The following NUAK1 variants were observed in gnomAD, a reference collection of about 807,000 sequenced individuals.
NUAK1 encodes the protein NUAK family kinase 1, also known as NUAK family SNF1-like kinase 1.
A neutral mutation model predicts 56.9 loss-of-function variants in NUAK1; 26 were observed. The ratio of observed to expected loss-of-function variants is 0.46; its 90% CI spans 0.33 to 0.63. The LOEUF is 0.63. NUAK1 is among the 30% of genes least tolerant of loss of function. The probability of loss-of-function intolerance (pLI) is 0.02; values close to 1 mark genes in which losing one functional copy is unlikely to be tolerated. For synonymous variants in NUAK1, 337 were observed against 336.0 expected (o/e 1.00, Z -0.03); for missense variants, 727 against 876.1 (o/e 0.83, Z 2.15).
At chr12:106,112,234 A>G (rs1350543835) in intron 1 of NUAK1, among the ~76,000 whole-genome samples, 8 of 152,106 alleles carry the variant, frequency 5.3e-5, no homozygotes, top group African/African-American at 1.9e-4. Context: ...GCCATTCACA[A>G]GGTGTGATCT....
intron 2 of NUAK1, among the ~76,000 whole-genome samples, chr12:106,094,838 T>C (rs1024002368): frequency 3.0e-4 from 45 of 152,150 alleles, no homozygotes; most frequent in African/African-American, 9.4e-4. Flanking sequence ...CCTGCTAGGA[T>C]TAATAGTGCC....
chr12:106,101,477 G>T (rs2032747365), intron 2 of NUAK1, among the ~76,000 whole-genome samples: 1 of 152,110 alleles, frequency 6.6e-6, no homozygotes, highest in Non-Finnish European at 1.5e-5. Context: ...AATCCAATAT[G>T]ACTGGTGTTC....
intron 6 of NUAK1, 126 bp from the exon 7 acceptor site, chr12:106,068,081 T>C (rs1592846932): frequency 1.2e-6 from 1 of 852,520 alleles, no homozygotes. Context: ...GGAGACCTGG[T>C]CCAGCCACAT....
Position 106,064,548 on chromosome 12 carries a change from T to C in NUAK1, c.*2254A>G, listed in dbSNP as rs2032313435. On this transcript the variant is annotated 3_prime_UTR_variant, in exon 7 of 7. Coordinates refer to ENST00000261402, the MANE Select transcript of NUAK1 (RefSeq NM_014840.3). ...CTGACTTTCCTCAATAGTGTCATTT[T>C]TACTTAAAGACTAGAATGATGGAAA... 5 of 152,204 alleles carry C rather than the reference T, an allele frequency of 3.3e-5. No homozygotes were observed. The allele number at this position is 152,204 out of a possible 1,614,324, so 9.4% of individuals were successfully genotyped here.
At chr12:106,095,142 A>AAC (rs1245508453) in intron 2 of NUAK1, among the ~76,000 whole-genome samples, 2 of 151,994 alleles carry the variant, frequency 1.3e-5, no homozygotes, top group African/African-American at 4.8e-5. Context: ...TGTCATACAC[A>AAC]ACACACACAC....
chr12:106,081,947 C>A (rs576406201), intron 4 of NUAK1, among the ~76,000 whole-genome samples: 2 of 152,254 alleles, frequency 1.3e-5, no homozygotes, highest in East Asian at 3.9e-4. Context: ...AAACCAAGAC[C>A]AATTTTTCAG....
At chr12:106,091,060 C>T (rs541105889) in intron 2 of NUAK1, among the ~76,000 whole-genome samples, 2 of 152,344 alleles carry the variant, frequency 1.3e-5, no homozygotes, top group East Asian at 3.9e-4. Flanking sequence ...GACAGGGATA[C>T]TCTTGGCCAT....
intron 2 of NUAK1, among the ~76,000 whole-genome samples, chr12:106,087,145 C>A (rs373413557): frequency 6.6e-6 from 1 of 152,178 alleles, no homozygotes. Context: ...TTTCTGAGGA[C>A]CCCACTTTCC....
At chr12:106,074,230 T>C (rs2032438686) in intron 4 of NUAK1, among the ~76,000 whole-genome samples, 1 of 152,086 alleles carries the variant, frequency 6.6e-6, no homozygotes. Context: ...AGATAATTAA[T>C]ATATAATGCA....
chr12:106,102,295 A>C (rs2032757818), intron 2 of NUAK1, among the ~76,000 whole-genome samples: 1 of 152,152 alleles, frequency 6.6e-6, no homozygotes, highest in Non-Finnish European at 1.5e-5. Flanking sequence ...CTCTCAGAAA[A>C]AAGTAACTCA....
chr12:106,098,694 A>G (rs1337814925), intron 2 of NUAK1, among the ~76,000 whole-genome samples: 1 of 152,078 alleles, frequency 6.6e-6, no homozygotes, highest in Non-Finnish European at 1.5e-5. Context: ...CACCTTTTCA[A>G]TTTTATATGC....
intron 4 of NUAK1, among the ~76,000 whole-genome samples, chr12:106,081,699 T>C (rs1296039969): frequency 2.0e-5 from 3 of 152,202 alleles, no homozygotes; most frequent in African/African-American, 7.2e-5. Context: ...TTTCCTCCAT[T>C]AGGGAATTAC....
intron 2 of NUAK1, 140 bp downstream of exon 2, chr12:106,106,265 T>G (rs2032798838): frequency 1.4e-6 from 1 of 707,360 alleles, no homozygotes; most frequent in East Asian, 2.8e-5. Flanking sequence ...AAGTAAGAGA[T>G]AACACCCGAC....
At chr12:106,108,676 G>A (rs962246160) in intron 1 of NUAK1, among the ~76,000 whole-genome samples, 4 of 152,154 alleles carry the variant, frequency 2.6e-5, no homozygotes, top group Non-Finnish European at 4.4e-5. Flanking sequence ...AAAGATGGCC[G>A]AGGGTAGAAA....
chr12:106,075,329 A>C (rs1360722808), intron 4 of NUAK1, among the ~76,000 whole-genome samples: 26 of 152,072 alleles, frequency 1.7e-4, no homozygotes, highest in Admixed American at 1.7e-3. Flanking sequence ...AGAGAGAGAG[A>C]GAGAGCGTTC....
In NUAK1 at chr12:106,106,391, A is replaced by G; in HGVS notation, c.361+14T>C. 1.9e-6 allele frequency: 3 copies of G among 1,596,122 alleles called. No homozygotes were observed. The highest frequency in any genetic ancestry group is 2.6e-6 in the Non-Finnish European group (3 of 1,172,952). ...TAACTGATATGGGGGTTAAAAAAAAAAAAAATCACTGACCTTCATAAATAC... is the reference window on the plus strand; with the variant it reads ...TAACTGATATGGGGGTTAAAAAAAAGAAAAATCACTGACCTTCATAAATAC... On this transcript the variant is annotated intron_variant, in intron 2 of 6. Coordinates refer to ENST00000261402, the MANE Select transcript of NUAK1 (RefSeq NM_014840.3).
intron 2 of NUAK1, among the ~76,000 whole-genome samples, chr12:106,092,490 T>C (rs992220217): frequency 1.2e-4 from 18 of 151,780 alleles, no homozygotes; most frequent in Non-Finnish European, 2.4e-4. Context: ...AGCGAGACTC[T>C]GTCTCAAAAA....
intron 1 of NUAK1, among the ~76,000 whole-genome samples, chr12:106,126,783 CA>C (rs1469253009): frequency 6.6e-6 from 1 of 152,160 alleles, no homozygotes; most frequent in Non-Finnish European, 1.5e-5. Flanking sequence ...ATCAAGAAGC[CA>C]AGCTCTCCTG....
rs191658158 is a variant in NUAK1 at position 106,125,916 on chromosome 12, C to G, written c.240+12498G>C. Among the ~76,000 whole-genome samples the G allele has an allele frequency of 4.2e-4, 61 of 145,678 alleles. 1 individual carries two copies. The highest frequency in any genetic ancestry group is 1.2e-3 in the African/African-American group (49 of 40,810). The stretch of plus-strand genomic sequence containing the variant: ...AGAGACACAGACCATTAGTCTCCCC[C>G]CTGCATGCCTTCTGCTAATGGAAGA... On this transcript the variant is annotated intron_variant, in intron 1 of 6. Coordinates refer to ENST00000261402, the MANE Select transcript of NUAK1 (RefSeq NM_014840.3).
Sources: gnomAD v4.1 joint callset for allele counts (sites outside exome capture counted in the v4.1 genomes callset) on GRCh38, gnomAD v4.1.1 for gene constraint, MANE v1.5 for transcripts, NCBI Gene and HGNC (gene_info 2026-07-23, HGNC 2026-07-21) for gene names.